Variants in MYT1L observed in about 807,000 individuals in gnomAD.
MYT1L encodes myelin transcription factor 1 like.
MYT1L carries 12 observed loss-of-function variants against 126.7 expected under a neutral mutation model. That is an observed-to-expected ratio of 0.09 (90% CI 0.06 to 0.15). MYT1L has a LOEUF of 0.15. Ranked by LOEUF, MYT1L falls within the 10% of genes least tolerant of loss-of-function variation. MYT1L has a pLI of 1.00. For missense variants in MYT1L, 979 were observed against 1,585.2 expected, an observed-to-expected ratio of 0.62 and a Z score of 6.49; for synonymous variants, 541 against 604.2, an observed-to-expected ratio of 0.90 and a Z score of 1.53.
chr2:2,284,923 G>A (rs926231440), intron 1 of MYT1L, among the ~76,000 whole-genome samples: 1 of 152,014 alleles, frequency 6.6e-6, no homozygotes, highest in Admixed American at 6.6e-5. Flanking sequence ...GTTGGCCAGG[G>A]GTCAGGGTGG....
intron 4 of MYT1L, among the ~76,000 whole-genome samples, chr2:2,038,773 C>T (rs1454995401): frequency 6.6e-6 from 1 of 152,028 alleles, no homozygotes; most frequent in Non-Finnish European, 1.5e-5. Context: ...GTCCAGCTGT[C>T]CCTCACACAC....
chr2:1,838,355 A>G (rs1461298315), intron 21 of MYT1L, among the ~76,000 whole-genome samples: 1 of 152,184 alleles, frequency 6.6e-6, no homozygotes, highest in Non-Finnish European at 1.5e-5. Flanking sequence ...TGTAATCTGC[A>G]TACCCCTTTG....
At position 2,224,404 on chromosome 2, in the gene MYT1L, T is replaced by C. The variant is rs551775119; in HGVS notation, c.-420-51416A>G. ...AACATCCCCAAAAAGACCGGAGAGCTGGCGAGGTGACAGCCATGCTGCTCT... is the reference window on the plus strand; with the variant it reads ...AACATCCCCAAAAAGACCGGAGAGCCGGCGAGGTGACAGCCATGCTGCTCT... On this transcript the variant is annotated intron_variant, in intron 2 of 24. Coordinates refer to ENST00000647738, the MANE Select transcript of MYT1L (RefSeq NM_001303052.2). This position sits in a 1 kb window ranked among gnomAD's most constrained non-coding sequence, Gnocchi z 4.0. 1.3e-5 allele frequency among the ~76,000 whole-genome samples: 2 copies of C among 152,124 alleles called. No individual in the cohort carries two copies. Among genetic ancestry groups the C allele is most frequent in the African/African-American group, 4.8e-5 (2 of 41,432 alleles).
chr2:2,307,772 C>T (rs2095878320), intron 1 of MYT1L, among the ~76,000 whole-genome samples: 1 of 150,016 alleles, frequency 6.7e-6, no homozygotes, highest in Non-Finnish European at 1.5e-5. Context: ...TCCACCTATG[C>T]TTCAGTACAC....
At chr2:2,017,144 C>T (rs556842817) in intron 4 of MYT1L, among the ~76,000 whole-genome samples, 1 of 152,270 alleles carries the variant, frequency 6.6e-6, no homozygotes, top group East Asian at 1.9e-4. Context: ...TATTCATGGA[C>T]TCGTAGACTC....
At chr2:2,071,836 G>T (rs1346186125) in intron 3 of MYT1L, among the ~76,000 whole-genome samples, 1 of 152,170 alleles carries the variant, frequency 6.6e-6, no homozygotes, top group African/African-American at 2.4e-5. Flanking sequence ...CAGCCATGAG[G>T]TGATCGTGAC....
intron 5 of MYT1L, among the ~76,000 whole-genome samples, chr2:1,994,103 T>C (rs1048610711): frequency 6.6e-6 from 1 of 152,244 alleles, no homozygotes; most frequent in Non-Finnish European, 1.5e-5. Flanking sequence ...TTTTTTCCCA[T>C]GTATACATAA....
chr2:1,910,369 T>C lies in MYT1L; in HGVS notation c.1710-22A>G. The C allele has an allele frequency of 6.3e-7, 1 of 1,597,524 alleles. No homozygotes were observed. Among genetic ancestry groups the C allele is most frequent in the Non-Finnish European group, 8.5e-7 (1 of 1,170,892 alleles). On this transcript the variant is annotated intron_variant, in intron 12 of 24. Transcript: ENST00000647738. This position sits in a 1 kb window ranked among gnomAD's most constrained non-coding sequence, Gnocchi z 4.8. ...GAGGCTGCAATCACAGAAAGCGGGT[T>C]GAATGGTCCCGCCTCAAACACCTTC...
At chr2:1,808,386 C>T (rs966372227) in intron 22 of MYT1L, among the ~76,000 whole-genome samples, 5 of 152,280 alleles carry the variant, frequency 3.3e-5, no homozygotes, top group South Asian at 2.1e-4. Flanking sequence ...AGCTGCTCTG[C>T]GAGTGCACAG....
intron 1 of MYT1L, among the ~76,000 whole-genome samples, chr2:2,309,292 C>A (rs1175070047): frequency 6.6e-6 from 1 of 151,826 alleles, no homozygotes; most frequent in East Asian, 1.9e-4. Flanking sequence ...TATACTTTAC[C>A]TATACTCCAC....
intron 2 of MYT1L, among the ~76,000 whole-genome samples, chr2:2,249,154 A>C (rs1030409030): frequency 4.6e-5 from 7 of 152,152 alleles, no homozygotes; most frequent in East Asian, 1.9e-4. Flanking sequence ...AGAACTAATA[A>C]ATTTAAAAAA....
intron 11 of MYT1L, among the ~76,000 whole-genome samples, chr2:1,913,049 G>A (rs1016645579): frequency 1.3e-5 from 2 of 152,226 alleles, no homozygotes; most frequent in African/African-American, 2.4e-5. Flanking sequence ...AGGTTTACCT[G>A]AGGCCAGGTG....
At chr2:1,966,226 G>A (rs746152498) in intron 8 of MYT1L, among the ~76,000 whole-genome samples, 5 of 152,214 alleles carry the variant, frequency 3.3e-5, no homozygotes, top group East Asian at 1.9e-4. Flanking sequence ...CGCTGAGTGA[G>A]CGAGATCATT....
At chr2:2,286,124 T>C (rs1285076552) in intron 1 of MYT1L, among the ~76,000 whole-genome samples, 1 of 152,134 alleles carries the variant, frequency 6.6e-6, no homozygotes, top group Non-Finnish European at 1.5e-5. Context: ...CTAGGAATAC[T>C]GGCGTGTGCC....
intron 4 of MYT1L, among the ~76,000 whole-genome samples, chr2:2,038,939 G>A (rs1262814881): frequency 2.6e-5 from 4 of 152,136 alleles, no homozygotes; most frequent in Admixed American, 6.5e-5. Context: ...CTCGGTGTTC[G>A]TGGCTCCTTT....
chr2:1,877,318 G>C (rs899660456), intron 18 of MYT1L, among the ~76,000 whole-genome samples: 2 of 152,186 alleles, frequency 1.3e-5, no homozygotes, highest in African/African-American at 4.8e-5. Flanking sequence ...ATGCTAAGCA[G>C]AAAAGCAGGT....
chr2:2,146,536 G>A (rs1465213031), intron 3 of MYT1L, among the ~76,000 whole-genome samples: 1 of 152,206 alleles, frequency 6.6e-6, no homozygotes, highest in African/African-American at 2.4e-5. Flanking sequence ...CACCCCTGGA[G>A]ACAGATACGA....
At chr2:1,849,964 C>T (rs910483340) in intron 19 of MYT1L, among the ~76,000 whole-genome samples, 1 of 148,680 alleles carries the variant, frequency 6.7e-6, no homozygotes, top group Non-Finnish European at 1.5e-5. Context: ...TCTGGTCACT[C>T]AGGGACAGAT....
At chr2:1,847,360 G>A (rs569060504) in intron 19 of MYT1L, among the ~76,000 whole-genome samples, 107 of 152,308 alleles carry the variant, frequency 7.0e-4, no homozygotes, top group African/African-American at 2.1e-3. Context: ...AGTGGGAGTC[G>A]GATTCCTGGA....
Sources: allele counts gnomAD v4.1 joint callset (sites outside exome capture counted in the v4.1 genomes callset), GRCh38; gene constraint gnomAD v4.1.1; non-coding constraint Gnocchi (gnomAD v3.1); transcripts MANE v1.5; gene names NCBI Gene and HGNC (gene_info 2026-07-23, HGNC 2026-07-21).